SEMA6D: variants seen among roughly 807,000 people sequenced by gnomAD.
SEMA6D encodes semaphorin 6D.
Under a neutral mutation model 106.6 loss-of-function variants are expected in SEMA6D, and 35 were observed. That is an observed-to-expected ratio of 0.33 (90% confidence interval 0.25 to 0.44). SEMA6D has a LOEUF of 0.44. SEMA6D is among the 20% of genes least tolerant of loss of function. The pLI, the probability that SEMA6D is intolerant of heterozygous loss-of-function variation, is 1.00. For synonymous variants in SEMA6D, 499 were observed against 487.7 expected (o/e 1.02, Z -0.31); for missense variants, 1,185 against 1,345.9 (o/e 0.88, Z 1.87).
intron 2 of SEMA6D, among the ~76,000 whole-genome samples, chr15:47,458,767 T>G (rs2042416197): frequency 6.6e-6 from 1 of 151,878 alleles, no homozygotes; most frequent in African/African-American, 2.4e-5. Context: ...AGAAGAATGG[T>G]CTCAAATCAA....
chr15:47,530,025 G>A (rs1408723076), intron 3 of SEMA6D, among the ~76,000 whole-genome samples: 1 of 152,170 alleles, frequency 6.6e-6, no homozygotes, highest in Non-Finnish European at 1.5e-5. Flanking sequence ...CACTGCCATA[G>A]GGAGGAGGAA....
chr15:47,451,277 A>G (rs2042183665), intron 2 of SEMA6D, among the ~76,000 whole-genome samples: 2 of 151,914 alleles, frequency 1.3e-5, no homozygotes, highest in Non-Finnish European at 1.5e-5. Context: ...AATCGAATGC[A>G]AAATGGTTGA....
At chr15:47,346,476 C>CGGGCTGTAGCTGTGTTGTAGA (rs1244674415) in intron 1 of SEMA6D, among the ~76,000 whole-genome samples, 1 of 152,094 alleles carries the variant, frequency 6.6e-6, no homozygotes, top group African/African-American at 2.4e-5. Context: ...CTTTTGTCTC[C>CGGGCTGTAGCTGTGTTGTAGA]GGGCTGTAGC....
chr15:47,680,984 G>C (rs1291051498), intron 4 of SEMA6D, among the ~76,000 whole-genome samples: 1 of 152,164 alleles, frequency 6.6e-6, no homozygotes, highest in Non-Finnish European at 1.5e-5. Flanking sequence ...CTGAACTGTT[G>C]GGAATGTAAA....
chr15:47,463,823 A>C (rs1167606876), intron 2 of SEMA6D, among the ~76,000 whole-genome samples: 1 of 152,158 alleles, frequency 6.6e-6, no homozygotes, highest in Admixed American at 6.5e-5. Context: ...TAAAGGCTTT[A>C]GGGAGAACCC....
At chr15:47,303,129 C>G (rs748033090) in intron 1 of SEMA6D, among the ~76,000 whole-genome samples, 3 of 152,190 alleles carry the variant, frequency 2.0e-5, no homozygotes, top group Non-Finnish European at 2.9e-5. Context: ...TAAGGGAGAA[C>G]AGGAGCAAAA....
intron 1 of SEMA6D, among the ~76,000 whole-genome samples, chr15:47,232,862 T>G (rs1002155448): frequency 1.2e-4 from 18 of 151,884 alleles, no homozygotes; most frequent in African/African-American, 4.3e-4. Flanking sequence ...AGTGCAGATA[T>G]TTTCTTCCCT....
chr15:47,694,984 A>G (rs1402508918), intron 4 of SEMA6D, among the ~76,000 whole-genome samples: 1 of 152,208 alleles, frequency 6.6e-6, no homozygotes, highest in Non-Finnish European at 1.5e-5. Flanking sequence ...GCGTTAGGCA[A>G]AAATTAAAGT....
intron 1 of SEMA6D, among the ~76,000 whole-genome samples, chr15:47,312,822 A>T (rs555382045): frequency 3.9e-5 from 6 of 152,292 alleles, no homozygotes; most frequent in African/African-American, 1.4e-4. Context: ...TATAAATCCA[A>T]AGACTTTTTT....
At chr15:47,724,637 A>G (rs1444940453) in intron 1 of SEMA6D, among the ~76,000 whole-genome samples, 3 of 148,762 alleles carry the variant, frequency 2.0e-5, no homozygotes, top group African/African-American at 5.0e-5. Context: ...GCAAAAGCCC[A>G]GGGGTGGGGT....
chr15:47,562,819 T>C (rs1186103376), intron 3 of SEMA6D, among the ~76,000 whole-genome samples: 7 of 152,172 alleles, frequency 4.6e-5, no homozygotes, highest in Non-Finnish European at 1.0e-4. Context: ...CAGAAATTTT[T>C]GTAAATTCAG....
At chr15:47,682,170 CTT>C (rs775730736) in intron 4 of SEMA6D, among the ~76,000 whole-genome samples, 8 of 143,224 alleles carry the variant, frequency 5.6e-5, no homozygotes, top group African/African-American at 5.1e-5. Context: ...AACAGTGCCA[CTT>C]TTTTTTTTTT....
intron 2 of SEMA6D, among the ~76,000 whole-genome samples, chr15:47,415,519 G>T (rs922992416): frequency 6.6e-6 from 1 of 151,820 alleles, no homozygotes; most frequent in Non-Finnish European, 1.5e-5. Flanking sequence ...CTCTCTACCC[G>T]CTCCCGTCTC....
chr15:47,331,030 A>T (rs1190536461), intron 1 of SEMA6D, among the ~76,000 whole-genome samples: 1 of 152,168 alleles, frequency 6.6e-6, no homozygotes, highest in Non-Finnish European at 1.5e-5. Flanking sequence ...CAAAAGCATC[A>T]AGGTCACAGT....
intron 1 of SEMA6D, among the ~76,000 whole-genome samples, chr15:47,285,798 TC>T (rs904411217): frequency 1.3e-5 from 2 of 152,202 alleles, no homozygotes; most frequent in African/African-American, 4.8e-5. Context: ...TTGCACAGGT[TC>T]CCACCCTTTT....
intron 3 of SEMA6D, among the ~76,000 whole-genome samples, chr15:47,569,305 C>T (rs911750621): frequency 3.3e-5 from 5 of 152,126 alleles, no homozygotes; most frequent in African/African-American, 9.7e-5. Flanking sequence ...ACTACTGGCT[C>T]TCCCTTTCTG....
At chr15:47,392,251 G>A (rs1241681950) in intron 1 of SEMA6D, among the ~76,000 whole-genome samples, 2 of 151,992 alleles carry the variant, frequency 1.3e-5, no homozygotes, top group Non-Finnish European at 2.9e-5. Flanking sequence ...GCAAACAAAG[G>A]ATGCCAGAAT....
chr15:47,690,378 T>C (rs1226038734), intron 4 of SEMA6D, among the ~76,000 whole-genome samples: 1 of 152,194 alleles, frequency 6.6e-6, no homozygotes, highest in Admixed American at 6.5e-5. Context: ...TATTAAGAGA[T>C]ATTATAGTTG....
At chr15:47,635,190 A>G (rs971734087) in intron 4 of SEMA6D, among the ~76,000 whole-genome samples, 1 of 152,158 alleles carries the variant, frequency 6.6e-6, no homozygotes, top group Non-Finnish European at 1.5e-5. Context: ...GATGATCAGA[A>G]GGCAGAAGAC....
Sources: gnomAD v4.1 joint callset for allele counts (sites outside exome capture counted in the v4.1 genomes callset) on GRCh38, gnomAD v4.1.1 for gene constraint, MANE v1.5 for transcripts, NCBI Gene and HGNC (gene_info 2026-07-23, HGNC 2026-07-21) for gene names.